Variants in KCTD8 observed in about 807,000 individuals in gnomAD.
KCTD8 encodes the protein potassium channel tetramerization domain containing 8.
Under a neutral mutation model 31.5 loss-of-function variants are expected in KCTD8, and 27 were observed. The ratio of observed to expected loss-of-function variants is 0.86; its 90% CI spans 0.63 to 1.18. The LOEUF (loss-of-function observed/expected upper bound fraction) is 1.18. KCTD8 is among the 50% of genes most tolerant of loss of function. KCTD8 has a pLI of 0.00. For missense variants in KCTD8, 658 were observed against 647.7 expected, an observed-to-expected ratio of 1.02 and a Z score of -0.17; for synonymous variants, 290 against 280.0, an observed-to-expected ratio of 1.04 and a Z score of -0.36.
chr4:44,270,867 A>G (rs895957138), intron 1 of KCTD8, among the ~76,000 whole-genome samples: 36 of 152,044 alleles, frequency 2.4e-4, no homozygotes, highest in African/African-American at 8.2e-4. Flanking sequence ...AGGTCCTTTG[A>G]AATCTATTTA....
At chr4:44,296,360 G>C (rs2109388754) in intron 1 of KCTD8, among the ~76,000 whole-genome samples, 1 of 152,148 alleles carries the variant, frequency 6.6e-6, no homozygotes, top group East Asian at 1.9e-4. Context: ...GAGAAGACCT[G>C]TAATTGGCCT....
At chr4:44,345,582 A>T (rs866063006) in intron 1 of KCTD8, among the ~76,000 whole-genome samples, 10 of 152,300 alleles carry the variant, frequency 6.6e-5, no homozygotes, top group Middle Eastern at 3.4e-3. Context: ...TGCTGCAGAG[A>T]GCTAGCATAA....
intron 1 of KCTD8, among the ~76,000 whole-genome samples, chr4:44,311,540 A>G (rs753908161): frequency 1.3e-5 from 2 of 152,088 alleles, no homozygotes; most frequent in African/African-American, 2.4e-5. Flanking sequence ...TGGTATGTTT[A>G]CTGCAATGTA....
intron 1 of KCTD8, among the ~76,000 whole-genome samples, chr4:44,245,243 CAG>C (rs1461449127): frequency 6.6e-6 from 1 of 151,974 alleles, no homozygotes; most frequent in Non-Finnish European, 1.5e-5. Flanking sequence ...AATAGGGAGA[CAG>C]GGAATGAATC....
intron 1 of KCTD8, among the ~76,000 whole-genome samples, chr4:44,281,431 A>G (rs1716902915): frequency 6.6e-6 from 1 of 152,106 alleles, no homozygotes; most frequent in East Asian, 1.9e-4. Flanking sequence ...TAAGTCATAC[A>G]TGACTAAAGT....
At chr4:44,195,605 T>C (rs1262762643) in intron 1 of KCTD8, among the ~76,000 whole-genome samples, 2 of 152,238 alleles carry the variant, frequency 1.3e-5, no homozygotes, top group South Asian at 2.1e-4. Context: ...AGCAATGATA[T>C]GCATATAACT....
intron 1 of KCTD8, among the ~76,000 whole-genome samples, chr4:44,181,159 C>A (rs1469511998): frequency 6.6e-6 from 1 of 151,512 alleles, no homozygotes; most frequent in African/African-American, 2.4e-5. Flanking sequence ...CTCTCCCTCT[C>A]CCTCTCCCTC....
intron 1 of KCTD8, among the ~76,000 whole-genome samples, chr4:44,422,830 T>C (rs1014631238): frequency 2.0e-5 from 3 of 152,048 alleles, no homozygotes; most frequent in Non-Finnish European, 4.4e-5. Flanking sequence ...CCTAGGATAG[T>C]ATTTGACAGT....
intron 1 of KCTD8, among the ~76,000 whole-genome samples, chr4:44,363,521 AG>A (rs1719553881): frequency 1.3e-5 from 2 of 152,168 alleles, no homozygotes; most frequent in Non-Finnish European, 2.9e-5. Flanking sequence ...AGAAGGACCA[AG>A]AAAGAGAGGG....
At chr4:44,308,410 T>G (rs1717864709) in intron 1 of KCTD8, among the ~76,000 whole-genome samples, 1 of 152,004 alleles carries the variant, frequency 6.6e-6, no homozygotes, top group African/African-American at 2.4e-5. Context: ...AATCTCAATT[T>G]CCAGGTATAA....
At chr4:44,413,278 G>A (rs1721000857) in intron 1 of KCTD8, among the ~76,000 whole-genome samples, 1 of 152,096 alleles carries the variant, frequency 6.6e-6, no homozygotes, top group Non-Finnish European at 1.5e-5. Context: ...TAAAATTTAA[G>A]AAACTTCTAT....
At chr4:44,187,058 G>T (rs1179883837) in intron 1 of KCTD8, among the ~76,000 whole-genome samples, 1 of 152,130 alleles carries the variant, frequency 6.6e-6, no homozygotes, top group Non-Finnish European at 1.5e-5. Context: ...AAACCATTTA[G>T]CAGTGAGTCA....
Position 44,357,478 on chromosome 4 carries a change from C to T in KCTD8, c.961+90085G>A, listed in dbSNP as rs192891472. 3.0e-3 allele frequency among the ~76,000 whole-genome samples: 463 copies of T among 152,106 alleles called. 1 individual carries two copies. The highest frequency in any genetic ancestry group is 0.01 in the African/African-American group (435 of 41,520). Reference sequence around the variant, plus strand: ...CTACTATGGCTCTAAAAACAAAAGACCAAAAATCTAAAGTGTATTATAAGA... The same window carrying T: ...CTACTATGGCTCTAAAAACAAAAGATCAAAAATCTAAAGTGTATTATAAGA... On this transcript the variant is annotated intron_variant, in intron 1 of 1. Transcript: ENST00000360029.
intron 1 of KCTD8, among the ~76,000 whole-genome samples, chr4:44,307,533 AT>A (rs1377060106): frequency 6.6e-6 from 1 of 152,022 alleles, no homozygotes; most frequent in East Asian, 1.9e-4. Flanking sequence ...TTATAAATAT[AT>A]TTACTGAAGT....
intron 1 of KCTD8, among the ~76,000 whole-genome samples, chr4:44,256,101 C>T (rs991417260): frequency 1.3e-5 from 2 of 151,844 alleles, no homozygotes; most frequent in African/African-American, 4.8e-5. Context: ...AACTGCACAT[C>T]AGATCTTGTG....
intron 1 of KCTD8, among the ~76,000 whole-genome samples, chr4:44,379,727 G>C (rs939360656): frequency 1.3e-5 from 2 of 151,992 alleles, no homozygotes; most frequent in African/African-American, 2.4e-5. Context: ...TATTAAACTA[G>C]GTAATGGAAT....
At chr4:44,368,347 T>C (rs1255684598) in intron 1 of KCTD8, among the ~76,000 whole-genome samples, 5 of 152,140 alleles carry the variant, frequency 3.3e-5, no homozygotes, top group East Asian at 1.9e-4. Context: ...ACTGCACCAT[T>C]GTACTCCAGC....
At chr4:44,241,590 G>A (rs1715456748) in intron 1 of KCTD8, among the ~76,000 whole-genome samples, 1 of 152,158 alleles carries the variant, frequency 6.6e-6, no homozygotes, top group South Asian at 2.1e-4. Context: ...TATGCACAGG[G>A]CAGGATACAA....
chr4:44,382,705 G>A (rs186602182), intron 1 of KCTD8, among the ~76,000 whole-genome samples: 2 of 150,544 alleles, frequency 1.3e-5, no homozygotes, highest in East Asian at 4.0e-4. Flanking sequence ...ATACCAGCCT[G>A]GGCAACAGGA....
Sources: gnomAD v4.1 joint callset for allele counts (sites outside exome capture counted in the v4.1 genomes callset) on GRCh38, gnomAD v4.1.1 for gene constraint, MANE v1.5 for transcripts, NCBI Gene and HGNC (gene_info 2026-07-23, HGNC 2026-07-21) for gene names.